Variants in DNAH1 observed in about 807,000 individuals in gnomAD.
The protein encoded by DNAH1 is axonemal beta dynein heavy chain 1.
A neutral mutation model predicts 484.3 loss-of-function variants in DNAH1; 327 were observed. That is an observed-to-expected ratio of 0.68 (90% CI 0.62 to 0.74). The LOEUF (loss-of-function observed/expected upper bound fraction) is 0.74. Ranked by LOEUF, DNAH1 falls within the 30% of genes least tolerant of loss-of-function variation. The pLI is 0.00. For missense variants in DNAH1, 5,052 were observed against 5,546.8 expected, an observed-to-expected ratio of 0.91 and a Z score of 2.83; for synonymous variants, 2,192 against 2,191.9, an observed-to-expected ratio of 1.00 and a Z score of 0.00.
At chr3:52,393,665 C>T (rs1704494413) in intron 66 of DNAH1, among the ~76,000 whole-genome samples, 180 bp downstream of exon 66, 1 of 152,184 alleles carries the variant, frequency 6.6e-6, no homozygotes, top group African/African-American at 2.4e-5. Context: ...TGCCTGCAAT[C>T]CCAGCACTTT....
Position 52,379,794 on chromosome 3 carries a change from G to C in DNAH1, c.7378-111G>C. The C allele has an allele frequency of 1.1e-6, 1 of 928,866 alleles. No homozygotes were observed. The highest frequency in any genetic ancestry group is 1.6e-6 in the Non-Finnish European group (1 of 628,908). The allele number at this position is 928,866 out of a possible 1,614,324, so 57.5% of individuals were successfully genotyped here. A position where few individuals can be genotyped will look rare whatever the true frequency, so the allele number is the denominator to read the frequency against. On this transcript the variant is annotated intron_variant, in intron 47 of 77. Coordinates refer to ENST00000420323, the MANE Select transcript of DNAH1 (RefSeq NM_015512.5). The surrounding 1 kb of genome is among the most constrained non-coding windows in gnomAD (Gnocchi z 4.4). ...CCCTGGGCCATGGTGGGAGAGCCAG[G>C]CTCCAGTCAGGGCCCCAGGAACTGG...
chr3:52,347,258 G>A (rs1702182201), intron 11 of DNAH1, among the ~76,000 whole-genome samples: 1 of 151,772 alleles, frequency 6.6e-6, no homozygotes, highest in Non-Finnish European at 1.5e-5. Context: ...ATCAGCATGG[G>A]CAGAGGCACC....
At chr3:52,370,965 A>T in intron 41 of DNAH1, 140 bp downstream of exon 41, 1 of 727,958 alleles carries the variant, frequency 1.4e-6, no homozygotes, top group Non-Finnish European at 2.3e-6. Flanking sequence ...GCATCATCTC[A>T]TGAATCCTCA....
rs1286295700 is a variant in DNAH1 at position 52,396,761 on chromosome 3, G to T, written c.11574G>T (p.Lys3858Asn). The change falls in exon 72 of 78, where the codon AAG (lysine) becomes AAT (asparagine). Residue 3858 changes from lysine to asparagine, a missense_variant. Physicochemically the swap from Lys to Asn is moderately conservative, Grantham distance 94. This residue lies in a region of DNAH1 where 853 missense variants were observed against 899.0 expected (regional missense o/e 0.95). Coordinates refer to ENST00000420323, the MANE Select transcript of DNAH1 (RefSeq NM_015512.5). Reference sequence around the variant, plus strand: ...TGCGCATCTGCATCAGCCAGCTCAAGATGTTCCTGGACGAATATGATGACA... The same window carrying T: ...TGCGCATCTGCATCAGCCAGCTCAATATGTTCCTGGACGAATATGATGACA... ...GDLRICISQL[K>N]MFLDEYDDIP... is the part of the protein sequence containing the mutation. The T allele has an allele frequency of 6.2e-7, 1 of 1,613,768 alleles. No individual in the cohort carries two copies.
At chr3:52,327,629 T>A (rs1470430645) in intron 5 of DNAH1, among the ~76,000 whole-genome samples, 1 of 152,156 alleles carries the variant, frequency 6.6e-6, no homozygotes, top group Non-Finnish European at 1.5e-5. Flanking sequence ...GTGGCTTGGC[T>A]GGATGGGGAT....
chr3:52,346,535 C>T lies in DNAH1; in HGVS notation c.1720C>T (p.Arg574Cys), dbSNP rs759820286. The T allele has an allele frequency of 4.0e-5, 65 of 1,613,668 alleles. No homozygotes were observed. The highest frequency in any genetic ancestry group is 1.7e-4 in the Admixed American group (10 of 59,978). The change falls in exon 11 of 78, where the codon CGC (arginine) becomes TGC (cysteine). Residue 574 changes from arginine to cysteine, a missense_variant. Coordinates refer to ENST00000420323, the MANE Select transcript of DNAH1 (RefSeq NM_015512.5). ...SLKVAMRSSL[R>C]DMSKGWYNLY... is the part of the protein sequence containing the mutation. The stretch of plus-strand genomic sequence containing the variant: ...AAAGGTGGCCATGCGCAGCAGCCTG[C>T]GCGACATGAGCAAGGGCTGGTACAA...
chr3:52,347,290 C>A (rs570286627), intron 11 of DNAH1, among the ~76,000 whole-genome samples: 21 of 151,822 alleles, frequency 1.4e-4, no homozygotes, highest in Non-Finnish European at 2.5e-4. Flanking sequence ...AGGCCTGGCG[C>A]AGTTGAGGAA....
Position 52,388,607 on chromosome 3 carries a change from A to G in DNAH1, c.9361A>G (p.Lys3121Glu). Reference protein sequence around the residue: ...QCEQRLGRAGKLINGLSDEKV... With the variant: ...QCEQRLGRAGELINGLSDEKV... Reference sequence around the variant, plus strand: ...TGAGCAGCGGCTGGGCCGAGCTGGCAAGGTGCGCACCCTCCTCCTGCAAGG... The same window carrying G: ...TGAGCAGCGGCTGGGCCGAGCTGGCGAGGTGCGCACCCTCCTCCTGCAAGG... Residue 3121 changes from lysine (K) to glutamate (E), a missense_variant and splice_region_variant, in exon 58 of 78, where the codon AAG becomes GAG. By Grantham distance (56) the Lys-to-Glu change is moderately conservative. Coordinates refer to ENST00000420323, the MANE Select transcript of DNAH1 (RefSeq NM_015512.5). 6.2e-7 allele frequency: 1 copy of G among 1,612,158 alleles called. No individual in the cohort carries two copies. Among genetic ancestry groups the G allele is most frequent in the Non-Finnish European group, 8.5e-7 (1 of 1,179,506 alleles).
chr3:52,399,349 G>A, intron 76 of DNAH1, 148 bp downstream of exon 76: 3 of 1,029,546 alleles, frequency 2.9e-6, no homozygotes, highest in Admixed American at 2.3e-5. Flanking sequence ...TGAGTCCCAG[G>A]AACGGGTCTG....
chr3:52,399,495 A>G (rs1262371550), intron 76 of DNAH1, 50 bp from the exon 77 acceptor site: 5 of 1,504,446 alleles, frequency 3.3e-6, no homozygotes, highest in Non-Finnish European at 4.5e-6. Context: ...CTCCTAACCC[A>G]GATTCTGGGT....
rs1345663533 is a variant in DNAH1 at position 52,358,795 on chromosome 3, G to A, written c.4266+58G>A. On this transcript the variant is annotated intron_variant, in intron 25 of 77. Transcript: ENST00000420323. This position sits in a 1 kb window ranked among gnomAD's most constrained non-coding sequence, Gnocchi z 4.2. ...CCCTGCACCCCTCTGCTCCCTCTCA[G>A]TGCCCCTCCTGCTCTAGCCGGCCTC... 1.3e-6 allele frequency: 2 copies of A among 1,593,382 alleles called. No individual in the cohort carries two copies. Among genetic ancestry groups the A allele is most frequent in the African/African-American group, 2.7e-5 (2 of 73,950 alleles).
Position 52,355,018 on chromosome 3 carries a change from G to T in DNAH1, c.3656G>T (p.Arg1219Leu), listed in dbSNP as rs776461129. 3 of 1,613,838 alleles carry T rather than the reference G, an allele frequency of 1.9e-6. No homozygotes were observed. The highest frequency in any genetic ancestry group is 2.5e-6 in the Non-Finnish European group (3 of 1,179,898). Residue 1219 changes from arginine to leucine, a missense_variant, in exon 21 of 78, where the codon CGC becomes CTC. Physicochemically the swap from Arg to Leu is moderately radical, Grantham distance 102. This residue lies in a region of DNAH1 where 2,929 missense variants were observed against 3,409.4 expected (regional missense o/e 0.86). Coordinates refer to ENST00000420323, the MANE Select transcript of DNAH1 (RefSeq NM_015512.5). The surrounding 1 kb of genome is among the most constrained non-coding windows in gnomAD (Gnocchi z 4.5). Reference protein sequence around the residue: ...FSPYKKPFEQRINSWENKLKL... With the variant: ...FSPYKKPFEQLINSWENKLKL... Reference sequence around the variant, plus strand: ...CCCTACAAGAAGCCCTTTGAGCAGCGCATCAACTCCTGGGAGAACAAACTG... The same window carrying T: ...CCCTACAAGAAGCCCTTTGAGCAGCTCATCAACTCCTGGGAGAACAAACTG...
chr3:52,396,720 TTCACGGATGGAGA>T lies in DNAH1; in HGVS notation c.11536_11548del (p.Thr3846CysfsTer46). 6.2e-7 allele frequency: 1 copy of T among 1,613,696 alleles called. No homozygotes were observed. Among genetic ancestry groups the T allele is most frequent in the Non-Finnish European group, 8.5e-7 (1 of 1,179,848 alleles). On this transcript the variant is annotated frameshift_variant, in exon 72 of 78. Transcript: ENST00000420323. LOFTEE classifies it high-confidence loss of function. ...CCTGGGCTTCAACATCCCCTATGAG[TTCACGGATGGAGA>T]TCTGCGCATCTGCATCAGCCAGCTC... is the stretch of plus-strand genomic sequence containing the variant.
chr3:52,396,493 G>C lies in DNAH1; in HGVS notation c.11385G>C (p.Lys3795Asn), dbSNP rs1423929439. Reference sequence around the variant, plus strand: ...GCGGTGTCAGGGCCAACCTGCTGAAGTCCTATAGTAGCCTTGGTGAAGACT... The same window carrying C: ...GCGGTGTCAGGGCCAACCTGCTGAACTCCTATAGTAGCCTTGGTGAAGACT... ...PPRGVRANLL[K>N]SYSSLGEDFL... The change falls in exon 71 of 78, where the codon AAG (lysine) becomes AAC (asparagine). Residue 3795 changes from lysine to asparagine, a missense_variant. Physicochemically the swap from Lys to Asn is moderately conservative, Grantham distance 94. Around this residue, in one of 4 missense-constraint regions of DNAH1, gnomAD observed 853 missense variants for 899.0 expected, o/e 0.95. Coordinates refer to ENST00000420323, the MANE Select transcript of DNAH1 (RefSeq NM_015512.5). 6.2e-7 allele frequency: 1 copy of C among 1,609,160 alleles called. No homozygotes were observed. Among genetic ancestry groups the C allele is most frequent in the Admixed American group, 1.7e-5 (1 of 59,312 alleles).
At position 52,344,569 on chromosome 3, in the gene DNAH1, C is replaced by T; in HGVS notation, c.1366C>T (p.His456Tyr). 1 of 1,614,040 alleles carries T rather than the reference C, an allele frequency of 6.2e-7. No individual in the cohort carries two copies. The highest frequency in any genetic ancestry group is 8.5e-7 in the Non-Finnish European group (1 of 1,179,880). Residue 456 changes from histidine to tyrosine, a missense_variant, in exon 9 of 78, where the codon CAC becomes TAC. Around this residue, in one of 4 missense-constraint regions of DNAH1, gnomAD observed 1,263 missense variants for 1,218.8 expected, o/e 1.04. Coordinates refer to ENST00000420323, the MANE Select transcript of DNAH1 (RefSeq NM_015512.5). ...ERSMNKINFD[H>Y]VVSSKPETFS... The stretch of plus-strand genomic sequence containing the variant: ...CAGCATGAACAAGATCAACTTTGAC[C>T]ACGTTGTCTCTTCCAAGCCCGAGAC...
rs1703867081 is a variant in DNAH1 at position 52,381,921 on chromosome 3, GAGGCCTCGGGCAACCCTGAAGT to G, written c.7805+91_7805+112del. ...TGACCCATGCTTTTGCACAGTGGTA[GAGGCCTCGGGCAACCCTGAAGT>G]AGGCCCGTGCAGCCTACAGGCTTCT... is the stretch of plus-strand genomic sequence containing the variant. On this transcript the variant is annotated intron_variant, in intron 49 of 77. Transcript: ENST00000420323. This position sits in a 1 kb window ranked among gnomAD's most constrained non-coding sequence, Gnocchi z 4.1. 7.1e-7 allele frequency: 1 copy of G among 1,408,526 alleles called. No homozygotes were observed. The highest frequency in any genetic ancestry group is 9.5e-7 in the Non-Finnish European group (1 of 1,052,142). The allele number at this position is 1,408,526 out of a possible 1,614,324, so 87.3% of individuals were successfully genotyped here.
At chr3:52,374,433 T>C (rs1703494525) in intron 44 of DNAH1, 1 of 1,333,432 alleles carries the variant, frequency 7.5e-7, no homozygotes, top group Non-Finnish European at 1.1e-6. Context: ...ACTTCTCAAA[T>C]GCTGGCCAAA....
intron 37 of DNAH1, among the ~76,000 whole-genome samples, chr3:52,369,192 C>T (rs912781992): frequency 4.6e-5 from 7 of 152,184 alleles, no homozygotes; most frequent in African/African-American, 1.7e-4. Flanking sequence ...CTCGAGCCCA[C>T]CAGGATGCCT....
At position 52,383,863 on chromosome 3, in the gene DNAH1, C is replaced by T; in HGVS notation, c.8154C>T (p.Pro2718=). The T allele has an allele frequency of 6.3e-7, 1 of 1,592,168 alleles. No individual in the cohort carries two copies. The highest frequency in any genetic ancestry group is 8.6e-7 in the Non-Finnish European group (1 of 1,166,322). The change falls in exon 52 of 78, where the codon CCC becomes CCT. Residue 2718 remains proline, a synonymous_variant. Coordinates refer to ENST00000420323, the MANE Select transcript of DNAH1 (RefSeq NM_015512.5). ...ATTTGGATTCCTGACTTTCCAGCCC[C>T]ATCGGAGAGGTCTTCCGAGCTCGTC... ...SNIHMVLCMS[P]IGEVFRARLR...
Sources: allele counts gnomAD v4.1 joint callset (sites outside exome capture counted in the v4.1 genomes callset), GRCh38; gene constraint gnomAD v4.1.1; regional missense constraint gnomAD v4.1.1; non-coding constraint Gnocchi (gnomAD v3.1); transcripts MANE v1.5; gene names NCBI Gene and HGNC (gene_info 2026-07-23, HGNC 2026-07-21).